The following AR variants were observed in gnomAD, a reference collection of about 807,000 sequenced individuals.
AR encodes the protein androgen receptor.
In AR, 8 loss-of-function variants were observed where a neutral mutation model predicts 53.9. The observed-to-expected ratio is 0.15, with a 90% confidence interval of 0.09 to 0.27. The LOEUF (loss-of-function observed/expected upper bound fraction) is 0.27. Ranked by LOEUF, AR falls within the 10% of genes least tolerant of loss-of-function variation. AR has a pLI of 1.00. For missense variants in AR, 639 were observed against 742.5 expected (o/e 0.86, Z 1.62); for synonymous variants, 359 against 316.4 (o/e 1.13, Z -1.43).
chrX:67,602,845 G>T (rs1923440460), intron 1 of AR, among the ~76,000 whole-genome samples: 1 of 111,546 alleles, frequency 9.0e-6, no homozygotes, highest in Non-Finnish European at 1.9e-5. Context: ...GTTTTAAACT[G>T]CTAATTTTGT....
chrX:67,627,236 C>G (rs1394551731), intron 1 of AR, among the ~76,000 whole-genome samples: 1 of 111,452 alleles, frequency 9.0e-6, no homozygotes, highest in Non-Finnish European at 1.9e-5. Flanking sequence ...AACTAGTTTA[C>G]AGTCCCACCA....
chrX:67,722,802 C>G (rs950705694), intron 6 of AR, 25 bp from the exon 7 acceptor site: 1 of 1,208,096 alleles, frequency 8.3e-7, no homozygotes, highest in African/African-American at 1.8e-5. Context: ...CTTCCCCTCC[C>G]CATTCTGTCT....
chrX:67,625,737 CA>C (rs911741267), intron 1 of AR, among the ~76,000 whole-genome samples: 4 of 110,194 alleles, frequency 3.6e-5, no homozygotes, highest in African/African-American at 9.9e-5. Context: ...TTCAAACCTG[CA>C]AAAAAAATAA....
intron 3 of AR, among the ~76,000 whole-genome samples, chrX:67,691,373 T>G (rs1327523463): frequency 8.9e-6 from 1 of 112,203 alleles, no homozygotes; most frequent in African/African-American, 3.2e-5. Flanking sequence ...CCATGACATG[T>G]TCCATGAAAA....
chrX:67,644,559 A>G (rs1229786372), intron 2 of AR, among the ~76,000 whole-genome samples: 2 of 112,107 alleles, frequency 1.8e-5, no homozygotes, highest in Admixed American at 1.9e-4. Flanking sequence ...TCATCAGAAT[A>G]TGGAAGAAGC....
In AR at chrX:67,632,304, A is replaced by G. The variant is rs1445137381; in HGVS notation, c.1617-10952A>G. Among the ~76,000 whole-genome samples the G allele has an allele frequency of 5.3e-5, 6 of 113,271 alleles. No individual in the cohort carries two copies. The Admixed American group carries it at 5.6e-4, about 10-fold the overall frequency. ...GCAATAAGCAAGACTCCATGGGCGT[A>G]GGACCCTCTGAGCCATGTGCGGGAT... is the stretch of plus-strand genomic sequence containing the variant. On this transcript the variant is annotated intron_variant, in intron 1 of 7. Transcript: ENST00000374690.
Position 67,729,672 on chromosome X carries a change from A to T in AR, c.*5831A>T. 1 of 174,498 alleles carries T rather than the reference A, an allele frequency of 5.7e-6. No homozygotes were observed. Among genetic ancestry groups the T allele is most frequent in the Non-Finnish European group, 1.1e-5 (1 of 91,060 alleles). 14.4% of individuals were successfully genotyped at this position (174,498 alleles called of 1,213,427 possible). Reference sequence around the variant, plus strand: ...GCCCTTGTGACCTGAAACACTTCCCACATAAGCTACTTAACAAGATTGTCA... The same window carrying T: ...GCCCTTGTGACCTGAAACACTTCCCTCATAAGCTACTTAACAAGATTGTCA... On this transcript the variant is annotated 3_prime_UTR_variant, in exon 8 of 8. Coordinates refer to ENST00000374690, the MANE Select transcript of AR (RefSeq NM_000044.6).
At chrX:67,631,048 C>G (rs1402003899) in intron 1 of AR, among the ~76,000 whole-genome samples, 1 of 111,350 alleles carries the variant, frequency 9.0e-6, no homozygotes, top group African/African-American at 3.3e-5. Flanking sequence ...GGTAACCTGA[C>G]CTTTCTCTCT....
intron 3 of AR, among the ~76,000 whole-genome samples, chrX:67,700,023 C>T (rs2076036198): frequency 9.0e-6 from 1 of 111,175 alleles, no homozygotes; most frequent in African/African-American, 3.3e-5. Context: ...GGGTCTAATG[C>T]CCCAGGGCTG....
intron 2 of AR, among the ~76,000 whole-genome samples, chrX:67,679,959 TAACTTAAA>T (rs2075923428): frequency 8.9e-6 from 1 of 112,310 alleles, no homozygotes; most frequent in Non-Finnish European, 1.9e-5. Context: ...TCATTGTCAA[TAACTTAAA>T]ATGACCTTTT....
chrX:67,593,350 C>CTT (rs1361815908), intron 1 of AR, among the ~76,000 whole-genome samples: 1 of 100,223 alleles, frequency 1.0e-5, no homozygotes. Flanking sequence ...GTTTTCTTTT[C>CTT]TTTTTTTTTT....
chrX:67,679,466 ACTT>A (rs1265749687), intron 2 of AR, among the ~76,000 whole-genome samples: 2 of 111,764 alleles, frequency 1.8e-5, no homozygotes, highest in African/African-American at 6.5e-5. Context: ...GCTACAATAA[ACTT>A]CTATTTTGTG....
chrX:67,685,662 TGACA>T (rs2075962134), intron 2 of AR, among the ~76,000 whole-genome samples: 1 of 111,484 alleles, frequency 9.0e-6, no homozygotes, highest in African/African-American at 3.3e-5. Flanking sequence ...GCTAAAGGGG[TGACA>T]AGTTCCACAA....
chrX:67,629,526 C>T (rs1461516782), intron 1 of AR, among the ~76,000 whole-genome samples: 1 of 108,390 alleles, frequency 9.2e-6, no homozygotes, highest in East Asian at 2.9e-4. Context: ...ATTCTTCTCT[C>T]TTTTTTTCTT....
At chrX:67,722,293 C>A (rs909160183) in intron 6 of AR, 6 of 262,431 alleles carry the variant, frequency 2.3e-5, no homozygotes, top group Middle Eastern at 1.2e-3. Flanking sequence ...AGACATGGGC[C>A]ACCTTGTATT....
At chrX:67,672,492 AT>A (rs200478763) in intron 2 of AR, among the ~76,000 whole-genome samples, 27 of 100,991 alleles carry the variant, frequency 2.7e-4, no homozygotes, top group East Asian at 1.3e-3. Flanking sequence ...CTTCCTTTTT[AT>A]TTTTTTTTGT....
intron 2 of AR, among the ~76,000 whole-genome samples, chrX:67,673,052 T>A (rs1309461323): frequency 9.2e-6 from 1 of 109,260 alleles, no homozygotes. Flanking sequence ...AGTTTTTTTT[T>A]TTTTTTTCTT....
chrX:67,545,767 C>G lies in AR; in HGVS notation c.621C>G (p.Ser207Arg), dbSNP rs374549047. The change falls in exon 1 of 8, where the codon AGC becomes AGG. Residue 207 changes from serine to arginine, a missense_variant. Physicochemically the swap from Ser to Arg is moderately radical, Grantham distance 110 (BLOSUM62 -1). Coordinates refer to ENST00000374690, the MANE Select transcript of AR (RefSeq NM_000044.6). ...QQQEAVSEGSSSGRAREASGA... is the reference protein window; with the variant it reads ...QQQEAVSEGSRSGRAREASGA... ...AGGAAGCAGTATCCGAAGGCAGCAG[C>G]AGCGGGAGAGCGAGGGAGGCCTCGG... is the stretch of plus-strand genomic sequence containing the variant. The G allele has an allele frequency of 3.4e-5, 41 of 1,210,611 alleles. No individual in the cohort carries two copies. In the African/African-American group the frequency reaches 6.4e-4, roughly 19 times the overall value.
chrX:67,552,963 A>AT (rs1046648980), intron 1 of AR, among the ~76,000 whole-genome samples: 2 of 108,977 alleles, frequency 1.8e-5, no homozygotes, highest in Non-Finnish European at 3.9e-5. Flanking sequence ...ATTTGTAGAT[A>AT]TTTTTTCACA....
Sources: gnomAD v4.1 joint callset for allele counts (sites outside exome capture counted in the v4.1 genomes callset) on GRCh38, gnomAD v4.1.1 for gene constraint, MANE v1.5 for transcripts, NCBI Gene and HGNC (gene_info 2026-07-23, HGNC 2026-07-21) for gene names.